The following BMPR1B variants were observed in gnomAD, a reference collection of about 807,000 sequenced individuals.
BMPR1B encodes bone morphogenetic protein receptor type 1B, also known as bone morphogenetic protein receptor type-1B.
In BMPR1B, 12 loss-of-function variants were observed where a neutral mutation model predicts 59.1. The ratio of observed to expected loss-of-function variants is 0.20; its 90% CI spans 0.13 to 0.33. The LOEUF (loss-of-function observed/expected upper bound fraction) is 0.33, where lower values mean the gene tolerates loss of function less well. Among genes scored for constraint, BMPR1B ranks in the 10% least tolerant of loss-of-function variants. BMPR1B has a pLI of 1.00. For missense variants in BMPR1B, 550 were observed against 610.9 expected, an observed-to-expected ratio of 0.90 and a Z score of 1.05; for synonymous variants, 237 against 207.3, an observed-to-expected ratio of 1.14 and a Z score of -1.23.
At chr4:94,764,237 A>T (rs1721880499) in intron 1 of BMPR1B, among the ~76,000 whole-genome samples, 2 of 152,136 alleles carry the variant, frequency 1.3e-5, no homozygotes, top group Admixed American at 6.6e-5. Context: ...TTTGACTTCC[A>T]AAAAACGTAG....
intron 2 of BMPR1B, among the ~76,000 whole-genome samples, chr4:94,970,359 AGGCT>A (rs1730742819): frequency 6.8e-6 from 1 of 147,374 alleles, no homozygotes; most frequent in African/African-American, 2.5e-5. Context: ...TCTGTCACCC[AGGCT>A]GGAGTGTGGT....
chr4:95,135,504 T>C (rs967552776), intron 10 of BMPR1B, among the ~76,000 whole-genome samples: 9 of 152,196 alleles, frequency 5.9e-5, no homozygotes, highest in Non-Finnish European at 8.8e-5. Flanking sequence ...GCATGGAAAG[T>C]TCTTCTATTA....
At chr4:95,004,151 G>T (rs1722655975) in intron 3 of BMPR1B, among the ~76,000 whole-genome samples, 1 of 152,154 alleles carries the variant, frequency 6.6e-6, no homozygotes, top group Admixed American at 6.5e-5. Context: ...GAGTTCACAT[G>T]TGAAAGTTTA....
chr4:94,848,039 A>G (rs2148943776), intron 1 of BMPR1B, among the ~76,000 whole-genome samples: 1 of 152,334 alleles, frequency 6.6e-6, no homozygotes, highest in East Asian at 1.9e-4. Context: ...TGTACTCCAT[A>G]AATGTATACA....
intron 1 of BMPR1B, among the ~76,000 whole-genome samples, chr4:94,763,616 G>A (rs1721861830): frequency 6.6e-6 from 1 of 152,178 alleles, no homozygotes; most frequent in Non-Finnish European, 1.5e-5. Context: ...TTCTTGCCTG[G>A]CTGTCTTGAG....
At chr4:94,879,656 G>A (rs977096280) in intron 2 of BMPR1B, among the ~76,000 whole-genome samples, 3 of 152,010 alleles carry the variant, frequency 2.0e-5, no homozygotes, top group East Asian at 1.9e-4. Context: ...TATTTTTCTC[G>A]TATCCAGTGA....
At chr4:94,880,742 G>A (rs571546828) in intron 2 of BMPR1B, among the ~76,000 whole-genome samples, 19 of 148,770 alleles carry the variant, frequency 1.3e-4, no homozygotes, top group African/African-American at 2.5e-5. Context: ...AGGTTCAAGC[G>A]ATTCTATGCC....
chr4:95,135,872 T>C (rs888842648), intron 10 of BMPR1B, among the ~76,000 whole-genome samples: 1 of 152,178 alleles, frequency 6.6e-6, no homozygotes, highest in Non-Finnish European at 1.5e-5. Flanking sequence ...CCTGCTGGAT[T>C]GCTTTGGCCA....
At chr4:95,042,918 G>A (rs1163581599) in intron 3 of BMPR1B, among the ~76,000 whole-genome samples, 1 of 151,962 alleles carries the variant, frequency 6.6e-6, no homozygotes, top group Non-Finnish European at 1.5e-5. Flanking sequence ...GCTCACGCCT[G>A]TAATCCCAGC....
intron 1 of BMPR1B, among the ~76,000 whole-genome samples, chr4:94,793,406 C>T (rs1723059351): frequency 6.6e-6 from 1 of 151,300 alleles, no homozygotes; most frequent in Non-Finnish European, 1.5e-5. Flanking sequence ...TTTTCTTAAT[C>T]CAGTCTATCA....
rs1359980129 is a variant in BMPR1B, at chr4:94,853,255, C to T, written c.-182-22576C>T. ...AAATGAAAAGTTTCTTTGGGAAAGA[C>T]TCATGTCAGTTTGAAGCTTGACCTT... On this transcript the variant is annotated intron_variant, in intron 1 of 12. Transcript: ENST00000515059. 2.6e-5 allele frequency among the ~76,000 whole-genome samples: 4 copies of T among 152,124 alleles called. No homozygotes were observed. The East Asian group carries it at 7.7e-4, about 29-fold the overall frequency.
chr4:94,865,718 A>G (rs149722229), intron 1 of BMPR1B, among the ~76,000 whole-genome samples: 4 of 152,134 alleles, frequency 2.6e-5, no homozygotes, highest in East Asian at 1.9e-4. Flanking sequence ...AAATCCTTCA[A>G]TGGTTCCCAT....
At chr4:95,138,195 G>T (rs925519494) in intron 10 of BMPR1B, among the ~76,000 whole-genome samples, 1 of 147,260 alleles carries the variant, frequency 6.8e-6, no homozygotes, top group Non-Finnish European at 1.5e-5. Context: ...TGAAATTCTG[G>T]GCTGAACATT....
At chr4:95,068,978 T>C (rs574187543) in intron 3 of BMPR1B, among the ~76,000 whole-genome samples, 2 of 152,338 alleles carry the variant, frequency 1.3e-5, no homozygotes, top group Non-Finnish European at 2.9e-5. Context: ...AATGGAAATA[T>C]ATTGTCTCAC....
chr4:95,104,226 T>A, intron 3 of BMPR1B, 182 bp from the exon 4 acceptor site: 1 of 652,712 alleles, frequency 1.5e-6, no homozygotes, highest in Non-Finnish European at 2.6e-6. Flanking sequence ...TTATTCTGTA[T>A]GAGGTGTATA....
intron 3 of BMPR1B, among the ~76,000 whole-genome samples, chr4:95,022,649 A>T (rs1724077054): frequency 6.6e-6 from 1 of 151,914 alleles, no homozygotes; most frequent in Non-Finnish European, 1.5e-5. Context: ...GCAGGAAAAT[A>T]TTTTTATTTT....
chr4:94,769,286 C>T (rs1263766773), intron 1 of BMPR1B, among the ~76,000 whole-genome samples: 1 of 152,296 alleles, frequency 6.6e-6, no homozygotes, highest in South Asian at 2.1e-4. Context: ...AAGAGATGAT[C>T]TAGTCCTGCT....
chr4:94,764,047 T>C (rs1349883210), intron 1 of BMPR1B, among the ~76,000 whole-genome samples: 1 of 152,162 alleles, frequency 6.6e-6, no homozygotes, highest in Admixed American at 6.5e-5. Flanking sequence ...TTTCTTTTGA[T>C]CTTCTTCAAT....
At chr4:95,030,889 G>C (rs1392125367) in intron 3 of BMPR1B, among the ~76,000 whole-genome samples, 2 of 152,248 alleles carry the variant, frequency 1.3e-5, no homozygotes, top group Admixed American at 6.5e-5. Flanking sequence ...AGAAATGGAA[G>C]AACATTCCAT....
Sources: gnomAD v4.1 joint callset for allele counts (sites outside exome capture counted in the v4.1 genomes callset) on GRCh38, gnomAD v4.1.1 for gene constraint, MANE v1.5 for transcripts, NCBI Gene and HGNC (gene_info 2026-07-23, HGNC 2026-07-21) for gene names.